Variants in CADPS2 observed in about 807,000 individuals in gnomAD.
CADPS2 encodes calcium dependent secretion activator 2.
In CADPS2, 93 loss-of-function variants were observed where a neutral mutation model predicts 172.5. The ratio of observed to expected loss-of-function variants is 0.54; its 90% CI spans 0.46 to 0.64. The LOEUF is 0.64. CADPS2 is among the 30% of genes least tolerant of loss of function. The pLI, the probability that CADPS2 is intolerant of heterozygous loss-of-function variation, is 0.00. For missense variants in CADPS2, 1,420 were observed against 1,565.9 expected (o/e 0.91, Z 1.57); for synonymous variants, 546 against 555.2 (o/e 0.98, Z 0.23).
intron 1 of CADPS2, among the ~76,000 whole-genome samples, chr7:122,760,095 A>G (rs2093327106): frequency 6.6e-6 from 1 of 152,044 alleles, no homozygotes; most frequent in Non-Finnish European, 1.5e-5. Context: ...CAATATGTTT[A>G]TACATTTCAT....
At chr7:122,640,153 T>TC (rs1359100661) in intron 3 of CADPS2, among the ~76,000 whole-genome samples, 2 of 152,264 alleles carry the variant, frequency 1.3e-5, no homozygotes, top group Non-Finnish European at 2.9e-5. Context: ...GACTTCTCTC[T>TC]CCCTCACAGT....
chr7:122,736,994 A>C lies in CADPS2; in HGVS notation c.414T>G (p.Ala138=). ...GAACTGCGTTGCAAAATGCTTCGTC[A>C]GCTACAATTTGGGTTTCCCCATTGA... is the stretch of plus-strand genomic sequence containing the variant. ...AFLNGETQIV[A]DEAFCNAVRS... is the part of the protein sequence containing the mutation. The change falls in exon 2 of 30, where the codon GCT becomes GCG. Residue 138 remains alanine, a synonymous_variant. Coordinates refer to ENST00000449022, the MANE Select transcript of CADPS2 (RefSeq NM_017954.11). The C allele has an allele frequency of 6.2e-7, 1 of 1,612,598 alleles. No individual in the cohort carries two copies. Among genetic ancestry groups the C allele is most frequent in the Non-Finnish European group, 8.5e-7 (1 of 1,178,738 alleles).
intron 27 of CADPS2, among the ~76,000 whole-genome samples, chr7:122,349,058 C>A (rs534022318): frequency 1.3e-5 from 2 of 148,684 alleles, no homozygotes; most frequent in African/African-American, 2.5e-5. Flanking sequence ...AAAATAATAA[C>A]TAAGTATGCT....
At chr7:122,593,619 CT>C (rs2071259769) in intron 6 of CADPS2, among the ~76,000 whole-genome samples, 1 of 151,990 alleles carries the variant, frequency 6.6e-6, no homozygotes, top group Non-Finnish European at 1.5e-5. Context: ...CATATTAGTA[CT>C]GCTTTAGCTT....
At chr7:122,873,341 C>A (rs531212205) in intron 1 of CADPS2, among the ~76,000 whole-genome samples, 3 of 152,086 alleles carry the variant, frequency 2.0e-5, no homozygotes, top group African/African-American at 7.2e-5. Context: ...ACCCAATAGG[C>A]CCTGGTGTGT....
intron 2 of CADPS2, among the ~76,000 whole-genome samples, chr7:122,669,540 T>C (rs1164294430): frequency 1.3e-5 from 2 of 151,770 alleles, no homozygotes; most frequent in Non-Finnish European, 2.9e-5. Context: ...TTGAAAGGCA[T>C]GAGCTCCAGA....
chr7:122,858,616 C>T lies in CADPS2; in HGVS notation c.339+27383G>A, dbSNP rs958255404. On this transcript the variant is annotated intron_variant, in intron 1 of 29. Transcript: ENST00000449022. ...TTTAAAAGCCATATGTGTTTCATCG[C>T]TTGCTTTTAACCTTCATTCTCTAAA... Among the ~76,000 whole-genome samples the T allele has an allele frequency of 2.0e-5, 3 of 152,202 alleles. No individual in the cohort carries two copies. In the South Asian group the frequency reaches 6.2e-4, roughly 31 times the overall value.
intron 1 of CADPS2, among the ~76,000 whole-genome samples, chr7:122,842,661 G>A (rs1810887431): frequency 6.6e-6 from 1 of 152,116 alleles, no homozygotes; most frequent in South Asian, 2.1e-4. Flanking sequence ...TATTATGTTA[G>A]AGTTATAAGC....
At chr7:122,531,704 A>G (rs2061769627) in intron 8 of CADPS2, among the ~76,000 whole-genome samples, 1 of 152,156 alleles carries the variant, frequency 6.6e-6, no homozygotes, top group Non-Finnish European at 1.5e-5. Flanking sequence ...ATCCCTTGTA[A>G]TAAGTATAAA....
At chr7:122,391,512 G>A (rs539323458) in intron 22 of CADPS2, among the ~76,000 whole-genome samples, 2 of 152,004 alleles carry the variant, frequency 1.3e-5, no homozygotes, top group South Asian at 2.1e-4. Flanking sequence ...ATAAAACAGT[G>A]TAAAAAAGAA....
intron 3 of CADPS2, among the ~76,000 whole-genome samples, chr7:122,635,390 T>C (rs546634261): frequency 1.3e-5 from 2 of 152,056 alleles, no homozygotes; most frequent in Admixed American, 6.6e-5. Flanking sequence ...TAACTCGTCA[T>C]TTAGCATTAG....
At chr7:122,322,377 C>T (rs1236623013) in intron 29 of CADPS2, among the ~76,000 whole-genome samples, 2 of 152,200 alleles carry the variant, frequency 1.3e-5, no homozygotes, top group African/African-American at 4.8e-5. Flanking sequence ...ATTCAATTAG[C>T]AAGCAATAAC....
chr7:122,573,428 A>C (rs1445894405), intron 7 of CADPS2, among the ~76,000 whole-genome samples: 2 of 151,998 alleles, frequency 1.3e-5, no homozygotes, highest in Admixed American at 1.3e-4. Context: ...TAGTCCCAGC[A>C]ACTTGGGAGG....
intron 9 of CADPS2, among the ~76,000 whole-genome samples, chr7:122,502,919 A>C (rs2059323814): frequency 6.6e-6 from 1 of 151,862 alleles, no homozygotes; most frequent in Admixed American, 6.6e-5. Flanking sequence ...AGATTTTTTT[A>C]ATTGTAGAGA....
chr7:122,535,291 T>C (rs1264545564), intron 8 of CADPS2, among the ~76,000 whole-genome samples: 4 of 152,130 alleles, frequency 2.6e-5, no homozygotes, highest in African/African-American at 9.6e-5. Context: ...GGCAAATTTC[T>C]TAACCTCCTT....
chr7:122,554,231 T>G (rs1274141621), intron 8 of CADPS2, among the ~76,000 whole-genome samples: 1 of 152,114 alleles, frequency 6.6e-6, no homozygotes, highest in Non-Finnish European at 1.5e-5. Context: ...CAACTATTAT[T>G]GTAATTTGAA....
chr7:122,602,485 T>A (rs1469019431), intron 6 of CADPS2, among the ~76,000 whole-genome samples: 1 of 152,082 alleles, frequency 6.6e-6, no homozygotes, highest in African/African-American at 2.4e-5. Context: ...TACATTGTAT[T>A]GACTTTGTGC....
intron 11 of CADPS2, among the ~76,000 whole-genome samples, chr7:122,487,946 T>C (rs2057984013): frequency 6.6e-6 from 1 of 152,166 alleles, no homozygotes; most frequent in Non-Finnish European, 1.5e-5. Context: ...TAAGACTGAA[T>C]ATGACAAAGA....
chr7:122,417,660 G>C lies in CADPS2; in HGVS notation c.2477-1496C>G, dbSNP rs148712708. Among the ~76,000 whole-genome samples the C allele has an allele frequency of 3.9e-4, 59 of 152,278 alleles. 1 individual carries two copies. The highest frequency in any genetic ancestry group is 1.3e-3 in the African/African-American group (55 of 41,548). On this transcript the variant is annotated intron_variant, in intron 17 of 29. Transcript: ENST00000449022. ...CCTACTTAATTTGGGGGCCGCTCTA[G>C]CTGTTCTAATTTTGTCAGGAAGAGA...
Sources: gnomAD v4.1 joint callset for allele counts (sites outside exome capture counted in the v4.1 genomes callset) on GRCh38, gnomAD v4.1.1 for gene constraint, MANE v1.5 for transcripts, NCBI Gene and HGNC (gene_info 2026-07-23, HGNC 2026-07-21) for gene names.